Variants in C5orf47 observed in about 807,000 individuals in gnomAD.
C5orf47 encodes the protein uncharacterized protein C5orf47.
In C5orf47, 20 loss-of-function variants were observed where a neutral mutation model predicts 20.6. The observed-to-expected ratio is 0.97, with a 90% CI of 0.68 to 1.41. The LOEUF is 1.41. Among genes scored for constraint, C5orf47 ranks in the 40% most tolerant of loss-of-function variants. The pLI is 0.00. For missense variants in C5orf47, 262 were observed against 238.4 expected (o/e 1.10, Z -0.65); for synonymous variants, 106 against 97.3 (o/e 1.09, Z -0.53).
chr5:174,001,161 A>G (rs1759189251), intron 3 of C5orf47, 35 bp from the exon 4 acceptor site: 2 of 1,463,746 alleles, frequency 1.4e-6, no homozygotes, highest in African/African-American at 1.4e-5. Flanking sequence ...CTAGAGGCCA[A>G]CTTAAATTTT....
intron 4 of C5orf47, 66 bp downstream of exon 4, chr5:174,001,297 C>T: frequency 1.2e-6 from 1 of 857,720 alleles, no homozygotes; most frequent in South Asian, 1.6e-5. Context: ...TGTATCCTCC[C>T]TTCTCCAAAC....
intron 4 of C5orf47, among the ~76,000 whole-genome samples, chr5:174,001,585 C>T (rs1300381103): frequency 6.6e-6 from 1 of 152,110 alleles, no homozygotes; most frequent in African/African-American, 2.4e-5. Flanking sequence ...CTACTTAGTC[C>T]TCTTTTCCTT....
chr5:173,995,911 G>A (rs1369213877), intron 1 of C5orf47, among the ~76,000 whole-genome samples: 2 of 152,210 alleles, frequency 1.3e-5, no homozygotes, highest in Non-Finnish European at 2.9e-5. Context: ...GAAGTTTAGA[G>A]ATTCAGGAGT....
rs563479618 is a variant in C5orf47 at position 173,999,617 on chromosome 5, G to A, written c.412-83G>A. 6 of 580,282 alleles carry A rather than the reference G, an allele frequency of 1.0e-5. No individual in the cohort carries two copies. The South Asian group carries it at 1.7e-4, about 16-fold the overall frequency. The allele number at this position is 580,282 out of a possible 1,614,324, so 35.9% of individuals were successfully genotyped here. On this transcript the variant is annotated intron_variant, in intron 2 of 4. Transcript: ENST00000340147. ...ATGATATCAATTGACATACAACACA[G>A]TTGAGGCATTCCCAGTTGCCTCCAT...
chr5:173,999,449 A>G (rs916161874), intron 2 of C5orf47, among the ~76,000 whole-genome samples: 3 of 152,218 alleles, frequency 2.0e-5, no homozygotes, highest in African/African-American at 7.2e-5. Context: ...TTTGAAAGGC[A>G]ATTTCATCCA....
In C5orf47 at chr5:174,005,559, T is replaced by G. The variant is rs550920467; in HGVS notation, c.*1305T>G. 1 of 152,294 alleles carries G rather than the reference T, an allele frequency of 6.6e-6. No homozygotes were observed. The highest frequency in any genetic ancestry group is 1.5e-5 in the Non-Finnish European group (1 of 68,018). 9.4% of individuals were successfully genotyped at this position (152,294 alleles called of 1,614,324 possible). A position where few individuals can be genotyped will look rare whatever the true frequency, so the allele number is the denominator to read the frequency against. On this transcript the variant is annotated 3_prime_UTR_variant, in exon 5 of 5. Transcript: ENST00000340147. ...ATGTAGGCTCTCAAGTTTCCCTGCA[T>G]TGAGGGTCACACAACTTCTTTATAT...
chr5:174,005,204 G>A lies in C5orf47; in HGVS notation c.*950G>A, dbSNP rs551792705. ...TGTACTCTAGTTGCTTCTTTCCCTTGGAGTGACAGGTACTTTTATATCCAG... is the reference window on the plus strand; with the variant it reads ...TGTACTCTAGTTGCTTCTTTCCCTTAGAGTGACAGGTACTTTTATATCCAG... On this transcript the variant is annotated 3_prime_UTR_variant, in exon 5 of 5. Transcript: ENST00000340147. The A allele has an allele frequency of 3.9e-4, 59 of 152,196 alleles. No homozygotes were observed. Among genetic ancestry groups the A allele is most frequent in the African/African-American group, 1.4e-3 (58 of 41,514 alleles). 9.4% of individuals were successfully genotyped at this position (152,196 alleles called of 1,614,324 possible). A position where few individuals can be genotyped will look rare whatever the true frequency, so the allele number is the denominator to read the frequency against.
downstream of C5orf47, among the ~76,000 whole-genome samples, chr5:174,009,537 CTT>C (rs1759341845): frequency 6.6e-6 from 1 of 151,462 alleles, no homozygotes; most frequent in South Asian, 2.1e-4. Flanking sequence ...TGTGTTTTCT[CTT>C]TTTTCCTCCT....
At chr5:173,990,561 G>A (rs7715523) in intron 1 of C5orf47, among the ~76,000 whole-genome samples, 92,875 of 151,950 alleles carry the variant, frequency 0.61, 30,504 homozygotes, top group Non-Finnish European at 0.75. Context: ...CAGCCTCCCA[G>A]GTAGCTGAGA....
chr5:173,993,060 T>A (rs77392917), intron 1 of C5orf47, among the ~76,000 whole-genome samples: 2,425 of 152,316 alleles, frequency 0.016, 28 homozygotes, highest in Non-Finnish European at 0.021. Context: ...TTATTTATTT[T>A]TTTTACTATT....
Position 173,989,327 on chromosome 5 carries a change from G to A in C5orf47, c.64G>A (p.Gly22Ser), listed in dbSNP as rs1329513305. The stretch of plus-strand genomic sequence containing the variant: ...GCGCTTCGTCTATGTGACGCGCTTC[G>A]GCTCGCATCAGTGCAGTGGCGTCCT... ...SARFVYVTRF[G>S]SHQCSGVLQL... The change falls in exon 1 of 5, where the codon GGC (glycine) becomes AGC (serine). Residue 22 changes from glycine (G) to serine (S), a missense_variant. Transcript: ENST00000340147. The A allele has an allele frequency of 2.1e-6, 3 of 1,426,774 alleles. No individual in the cohort carries two copies. Among genetic ancestry groups the A allele is most frequent in the African/African-American group, 1.5e-5 (1 of 67,120 alleles). 88.4% of individuals were successfully genotyped at this position (1,426,774 alleles called of 1,614,324 possible).
intron 1 of C5orf47, among the ~76,000 whole-genome samples, chr5:173,991,749 A>G (rs1042296159): frequency 3.3e-5 from 5 of 152,158 alleles, no homozygotes; most frequent in African/African-American, 9.7e-5. Context: ...AGTATTCAGG[A>G]GAGATAGTGA....
Position 174,005,394 on chromosome 5 carries a change from T to C in C5orf47, c.*1140T>C, listed in dbSNP as rs1471676318. ...TTCATAGTTTTGTTTTTTCCTCTAA[T>C]AGTTGTAACTTAATTACTTCAGGAG... On this transcript the variant is annotated 3_prime_UTR_variant, in exon 5 of 5. Transcript: ENST00000340147. The C allele has an allele frequency of 1.3e-5, 2 of 152,256 alleles. No homozygotes were observed. The highest frequency in any genetic ancestry group is 2.4e-5 in the African/African-American group (1 of 41,468). The allele number at this position is 152,256 out of a possible 1,614,324, so 9.4% of individuals were successfully genotyped here.
intron 3 of C5orf47, 146 bp from the exon 4 acceptor site, chr5:174,001,050 A>C (rs1427229759): frequency 1.6e-6 from 1 of 634,752 alleles, no homozygotes; most frequent in African/African-American, 1.9e-5. Flanking sequence ...TTACAGTGTT[A>C]AACTACATTA....
chr5:173,989,249 T>G lies in C5orf47; in HGVS notation c.-15T>G. 4 of 1,381,664 alleles carry G rather than the reference T, an allele frequency of 2.9e-6. No individual in the cohort carries two copies. In the South Asian group the frequency reaches 5.1e-5, roughly 18 times the overall value. 85.6% of individuals were successfully genotyped at this position (1,381,664 alleles called of 1,614,324 possible). A position where few individuals can be genotyped will look rare whatever the true frequency, so the allele number is the denominator to read the frequency against. On this transcript the variant is annotated 5_prime_UTR_variant, in exon 1 of 5. Coordinates refer to ENST00000340147, the MANE Select transcript of C5orf47 (RefSeq NM_001144954.2). Reference sequence around the variant, plus strand: ...GTGTTTGCTGAGGGCCCGGCTGCCGTTGACTGAGGCTGCGATGGCGGCGGC... The same window carrying G: ...GTGTTTGCTGAGGGCCCGGCTGCCGGTGACTGAGGCTGCGATGGCGGCGGC...
At position 174,004,835 on chromosome 5, in the gene C5orf47, A is replaced by G. The variant is rs1759259044; in HGVS notation, c.*581A>G. 1.3e-5 allele frequency: 2 copies of G among 152,188 alleles called. No homozygotes were observed. Among genetic ancestry groups the G allele is most frequent in the Admixed American group, 1.3e-4 (2 of 15,272 alleles). The allele number at this position is 152,188 out of a possible 1,614,324, so 9.4% of individuals were successfully genotyped here. A position where few individuals can be genotyped will look rare whatever the true frequency, so the allele number is the denominator to read the frequency against. On this transcript the variant is annotated 3_prime_UTR_variant, in exon 5 of 5. Coordinates refer to ENST00000340147, the MANE Select transcript of C5orf47 (RefSeq NM_001144954.2). The stretch of plus-strand genomic sequence containing the variant: ...AAAATTAGTAAATGTATGCATTTAT[A>G]ATATGGATATATTATAATGGACTAT...
At chr5:173,995,476 G>A (rs1422957) in intron 1 of C5orf47, among the ~76,000 whole-genome samples, 4,849 of 152,280 alleles carry the variant, frequency 0.032, 81 homozygotes, top group Middle Eastern at 0.037. Flanking sequence ...GACATAATCC[G>A]TGGTTCTGTC....
intron 1 of C5orf47, among the ~76,000 whole-genome samples, chr5:173,996,941 G>A (rs1246272094): frequency 6.6e-6 from 1 of 152,116 alleles, no homozygotes; most frequent in Non-Finnish European, 1.5e-5. Flanking sequence ...CTCACCATAT[G>A]AGTTAATATT....
chr5:174,001,353 T>C lies in C5orf47; in HGVS notation c.*16+122T>C, dbSNP rs559720966. 500 of 622,238 alleles carry C rather than the reference T, an allele frequency of 8.0e-4. 3 individuals carry two copies. Among genetic ancestry groups the C allele is most frequent in the Non-Finnish European group, 1.2e-3 (418 of 357,370 alleles). 38.5% of individuals were successfully genotyped at this position (622,238 alleles called of 1,614,324 possible). A position where few individuals can be genotyped will look rare whatever the true frequency, so the allele number is the denominator to read the frequency against. ...TGCTAATTCCAGCCTATTTCCTTTC[T>C]TAAATACAGTGTTTGGCACATAGTA... is the stretch of plus-strand genomic sequence containing the variant. On this transcript the variant is annotated intron_variant, in intron 4 of 4. Transcript: ENST00000340147.
Sources: allele counts gnomAD v4.1 joint callset (sites outside exome capture counted in the v4.1 genomes callset), GRCh38; gene constraint gnomAD v4.1.1; transcripts MANE v1.5; gene names NCBI Gene and HGNC (gene_info 2026-07-23, HGNC 2026-07-21).